Variants in INPP5D observed in about 807,000 individuals in gnomAD.
INPP5D encodes inositol polyphosphate-5-phosphatase D, also known as phosphatidylinositol 3,4,5-trisphosphate 5-phosphatase 1.
A neutral mutation model predicts 122.9 loss-of-function variants in INPP5D; 33 were observed. The observed-to-expected ratio is 0.27, with a 90% CI of 0.20 to 0.36. The LOEUF is 0.36. Ranked by LOEUF, INPP5D falls within the 10% of genes least tolerant of loss-of-function variation. INPP5D has a pLI of 1.00. For missense variants in INPP5D, 1,053 were observed against 1,412.7 expected (o/e 0.75, Z 4.08); for synonymous variants, 584 against 576.2 (o/e 1.01, Z -0.19).
chr2:233,077,563 G>A (rs1574706500), intron 1 of INPP5D, among the ~76,000 whole-genome samples: 2 of 151,438 alleles, frequency 1.3e-5, no homozygotes, highest in East Asian at 3.9e-4. Flanking sequence ...AGAGGCTGAG[G>A]CAGGATAATT....
chr2:233,068,227 G>A (rs1348721017), intron 1 of INPP5D, among the ~76,000 whole-genome samples: 1 of 151,434 alleles, frequency 6.6e-6, no homozygotes, highest in Admixed American at 6.6e-5. Context: ...AGAGGTTGTG[G>A]TGAGCCGAGA....
At position 233,171,053 on chromosome 2, in the gene INPP5D, C is replaced by G. The variant is rs375109308; in HGVS notation, c.1901-11C>G. 3.1e-6 allele frequency: 5 copies of G among 1,613,478 alleles called. No homozygotes were observed. Among genetic ancestry groups the G allele is most frequent in the South Asian group, 1.1e-5 (1 of 91,002 alleles). ...GGAATCAGAATTAAAACGAAAGTCT[C>G]TCTGTTTCAGAGGAGGAAGAAATCA... is the stretch of plus-strand genomic sequence containing the variant. On this transcript the variant is annotated splice_polypyrimidine_tract_variant and intron_variant, in intron 16 of 26. Coordinates refer to ENST00000445964, the MANE Select transcript of INPP5D (RefSeq NM_001017915.3).
chr2:233,148,646 A>T (rs150142503), intron 9 of INPP5D, among the ~76,000 whole-genome samples: 14,511 of 152,180 alleles, frequency 0.095, 976 homozygotes, highest in East Asian at 0.32. Context: ...TGACGAAAGC[A>T]TGAGAGTTTC....
intron 5 of INPP5D, among the ~76,000 whole-genome samples, chr2:233,131,991 A>C (rs1448105208): frequency 1.3e-5 from 2 of 152,200 alleles, no homozygotes; most frequent in Non-Finnish European, 2.9e-5. Context: ...CAAATCAAGC[A>C]CTCACCAAAT....
chr2:233,122,308 G>C (rs1693011490), intron 3 of INPP5D, 51 bp downstream of exon 3: 5 of 1,577,180 alleles, frequency 3.2e-6, no homozygotes. Context: ...AACTTGCCCT[G>C]CACCCACCTT....
At chr2:233,065,951 TAA>T (rs1202865304) in intron 1 of INPP5D, among the ~76,000 whole-genome samples, 21,966 of 149,856 alleles carry the variant, frequency 0.15, 3,587 homozygotes, top group African/African-American at 0.38. Flanking sequence ...GGCCTTTTTT[TAA>T]AATTATTATT....
At position 233,204,549 on chromosome 2, in the gene INPP5D, C is replaced by A; in HGVS notation, c.3399C>A (p.Thr1133=). 1.9e-6 allele frequency: 3 copies of A among 1,573,226 alleles called. No individual in the cohort carries two copies. Among genetic ancestry groups the A allele is most frequent in the Non-Finnish European group, 1.7e-6 (2 of 1,161,004 alleles). The change falls in exon 26 of 27, where the codon ACC becomes ACA. Residue 1133 remains threonine (T), a synonymous_variant. Transcript: ENST00000445964. ...KPSRSEINQQ[T]PPTPTPRPPL... is the part of the protein sequence containing the mutation. ...CCAGATCGGAAATCAACCAGCAGAC[C>A]CCGCCCACCCCGACGCCGCGGCCGC...
intron 2 of INPP5D, among the ~76,000 whole-genome samples, chr2:233,087,115 G>A (rs1160918283): frequency 6.6e-6 from 1 of 152,008 alleles, no homozygotes; most frequent in Non-Finnish European, 1.5e-5. Context: ...TTTGCCCTTC[G>A]AGATCAGCTT....
intron 2 of INPP5D, among the ~76,000 whole-genome samples, chr2:233,089,331 T>C (rs1691933371): frequency 6.6e-6 from 1 of 152,204 alleles, no homozygotes; most frequent in Non-Finnish European, 1.5e-5. Flanking sequence ...CTACTATTGT[T>C]GCTATGATCA....
At chr2:233,143,547 C>A (rs1035376742) in intron 6 of INPP5D, among the ~76,000 whole-genome samples, 1 of 152,236 alleles carries the variant, frequency 6.6e-6, no homozygotes. Flanking sequence ...AACCAACAGG[C>A]AGCCATTCTG....
chr2:233,162,921 C>T (rs1033548766), intron 11 of INPP5D, among the ~76,000 whole-genome samples: 1 of 152,210 alleles, frequency 6.6e-6, no homozygotes, highest in Non-Finnish European at 1.5e-5. Context: ...GTCCATGACA[C>T]AAGGGCAGGG....
intron 9 of INPP5D, among the ~76,000 whole-genome samples, chr2:233,150,414 G>A (rs992461272): frequency 2.0e-5 from 3 of 152,210 alleles, no homozygotes; most frequent in Non-Finnish European, 4.4e-5. Context: ...ATGTGGAACT[G>A]TGAGTCCATT....
intron 2 of INPP5D, among the ~76,000 whole-genome samples, chr2:233,106,444 G>T (rs926518759): frequency 6.6e-6 from 1 of 152,248 alleles, no homozygotes; most frequent in Non-Finnish European, 1.5e-5. Context: ...CCTCAGCTCA[G>T]AACTGGTGCT....
At chr2:233,121,495 T>C (rs1327266348) in intron 2 of INPP5D, among the ~76,000 whole-genome samples, 1 of 145,472 alleles carries the variant, frequency 6.9e-6, no homozygotes, top group Non-Finnish European at 1.5e-5. Flanking sequence ...AAATGTACTA[T>C]TTGTATAAAA....
At chr2:233,087,945 G>A (rs983050627) in intron 2 of INPP5D, among the ~76,000 whole-genome samples, 21 of 152,074 alleles carry the variant, frequency 1.4e-4, no homozygotes, top group South Asian at 2.1e-4. Flanking sequence ...TCCCTCCAAA[G>A]TGGATCCTCA....
At chr2:233,061,119 A>G (rs1239721125) in intron 1 of INPP5D, among the ~76,000 whole-genome samples, 10 of 152,140 alleles carry the variant, frequency 6.6e-5, no homozygotes, top group African/African-American at 2.4e-4. Flanking sequence ...CTTTCCATTC[A>G]GTCAGAAGCT....
At chr2:233,132,438 G>A (rs1019417147) in intron 5 of INPP5D, among the ~76,000 whole-genome samples, 9 of 152,124 alleles carry the variant, frequency 5.9e-5, no homozygotes, top group African/African-American at 1.4e-4. Context: ...ATGTAGTGCC[G>A]ATGGAGAGAG....
intron 13 of INPP5D, among the ~76,000 whole-genome samples, chr2:233,167,905 A>T (rs1012187343): frequency 3.3e-5 from 5 of 150,298 alleles, no homozygotes; most frequent in Non-Finnish European, 7.4e-5. Flanking sequence ...CTCCTGAGGC[A>T]GAGACAGGAG....
chr2:233,069,173 G>A (rs1691310088), intron 1 of INPP5D, among the ~76,000 whole-genome samples: 1 of 152,176 alleles, frequency 6.6e-6, no homozygotes, highest in African/African-American at 2.4e-5. Context: ...ATATTAACAA[G>A]TGCAGGCCCC....
Sources: gnomAD v4.1 joint callset for allele counts (sites outside exome capture counted in the v4.1 genomes callset) on GRCh38, gnomAD v4.1.1 for gene constraint, MANE v1.5 for transcripts, NCBI Gene and HGNC (gene_info 2026-07-23, HGNC 2026-07-21) for gene names.